COBL: variants seen among roughly 807,000 people sequenced by gnomAD.
The protein encoded by COBL is protein cordon-bleu.
In COBL, 51 loss-of-function variants were observed where a neutral mutation model predicts 98.8. The observed-to-expected ratio is 0.52, with a 90% confidence interval of 0.41 to 0.65. The LOEUF is 0.65. COBL is among the 30% of genes least tolerant of loss of function. The pLI is 0.00. For missense variants in COBL, 1,617 were observed against 1,617.5 expected (o/e 1.00, Z 0.01); for synonymous variants, 634 against 651.7 (o/e 0.97, Z 0.41).
At chr7:51,228,259 T>C (rs1348675415) in intron 1 of COBL, among the ~76,000 whole-genome samples, 1 of 152,146 alleles carries the variant, frequency 6.6e-6, no homozygotes, top group African/African-American at 2.4e-5. Flanking sequence ...TTTCAGCTTT[T>C]ATCAGCTGAG....
chr7:51,172,653 T>G, intron 5 of COBL: 1 of 483,950 alleles, frequency 2.1e-6, no homozygotes, highest in Non-Finnish European at 3.2e-6. Context: ...CTTCACTTAA[T>G]AGGTGTAATC....
At chr7:51,210,719 T>C (rs1792331800) in intron 2 of COBL, among the ~76,000 whole-genome samples, 1 of 152,206 alleles carries the variant, frequency 6.6e-6, no homozygotes, top group Admixed American at 6.5e-5. Flanking sequence ...TCATGTAAAA[T>C]TCAGCTCGAT....
chr7:51,084,329 T>C (rs899001345), intron 7 of COBL, among the ~76,000 whole-genome samples: 48 of 152,116 alleles, frequency 3.2e-4, no homozygotes, highest in African/African-American at 1.0e-3. Flanking sequence ...AAGGGCATGG[T>C]GAGTGGCCTG....
chr7:51,191,171 T>C, intron 3 of COBL, 93 bp from the exon 4 acceptor site: 1 of 1,095,032 alleles, frequency 9.1e-7, no homozygotes, highest in Non-Finnish European at 1.3e-6. Flanking sequence ...TGTGGCAGGA[T>C]TGTGTGTAGC....
At chr7:51,259,932 C>G in intron 1 of COBL, 1 of 757,480 alleles carries the variant, frequency 1.3e-6, no homozygotes, top group South Asian at 1.4e-5. Flanking sequence ...CTGGCAATTC[C>G]AAGGCATGAG....
chr7:51,250,110 AAAG>A (rs978239160), intron 1 of COBL, among the ~76,000 whole-genome samples: 2 of 152,056 alleles, frequency 1.3e-5, no homozygotes, highest in African/African-American at 2.4e-5. Context: ...TCAAAAAAAA[AAAG>A]AAGAAAGAAA....
intron 2 of COBL, among the ~76,000 whole-genome samples, chr7:51,210,023 T>G (rs1792261811): frequency 1.3e-5 from 2 of 152,146 alleles, no homozygotes; most frequent in Non-Finnish European, 2.9e-5. Flanking sequence ...CAGAAGCCAG[T>G]ATGCAGTGTG....
chr7:51,223,686 A>G (rs978122540), intron 1 of COBL, among the ~76,000 whole-genome samples: 1 of 152,160 alleles, frequency 6.6e-6, no homozygotes, highest in Non-Finnish European at 1.5e-5. Context: ...GCTCAAAACT[A>G]TGTCGTCAGA....
chr7:51,082,577 T>G (rs1793766061), intron 7 of COBL, among the ~76,000 whole-genome samples: 1 of 152,226 alleles, frequency 6.6e-6, no homozygotes, highest in Non-Finnish European at 1.5e-5. Flanking sequence ...CTCAGTTTCC[T>G]TTTCCATAGA....
rs558391987 is a variant in COBL at position 51,222,725 on chromosome 7, A to T, written c.42-2781T>A. ...CCAAAGGTGTTTTCAGGGGAAAAAA[A>T]AAAAAGTGTTTTTCATTTTTAGGAA... On this transcript the variant is annotated intron_variant, in intron 1 of 12. Transcript: ENST00000265136. Among the ~76,000 whole-genome samples the T allele has an allele frequency of 2.6e-5, 4 of 152,274 alleles. No individual in the cohort carries two copies. In the East Asian group the frequency reaches 7.7e-4, roughly 29 times the overall value.
intron 1 of COBL, among the ~76,000 whole-genome samples, chr7:51,228,349 T>C (rs1794405685): frequency 6.6e-6 from 1 of 151,148 alleles, no homozygotes; most frequent in South Asian, 2.1e-4. Flanking sequence ...CAATGACTGG[T>C]GGTAATTACA....
chr7:51,196,234 C>A (rs756123260), intron 2 of COBL, among the ~76,000 whole-genome samples: 12 of 152,090 alleles, frequency 7.9e-5, no homozygotes, highest in Non-Finnish European at 1.6e-4. Context: ...TCAAAAGCCT[C>A]TTCTGCATCT....
chr7:51,065,959 C>T (rs1231550453), intron 7 of COBL, among the ~76,000 whole-genome samples: 1 of 152,158 alleles, frequency 6.6e-6, no homozygotes, highest in Non-Finnish European at 1.5e-5. Flanking sequence ...AAAGAGGCCT[C>T]AGGAGAAACC....
At chr7:51,074,191 A>ATTTTTTTTTTTTTTTTTTTTTTT (rs369421469) in intron 7 of COBL, among the ~76,000 whole-genome samples, 1 of 100,496 alleles carries the variant, frequency 1.0e-5, no homozygotes, top group Non-Finnish European at 1.8e-5. Flanking sequence ...CAAGGTAATG[A>ATTTTTTTTTTTTTTTTTTTTTTT]TTTTTTTTTT....
At chr7:51,150,070 G>A (rs574876664) in intron 5 of COBL, among the ~76,000 whole-genome samples, 6 of 152,280 alleles carry the variant, frequency 3.9e-5, no homozygotes, top group African/African-American at 1.4e-4. Flanking sequence ...CAGAAAACAA[G>A]GTAAGTCTCC....
intron 5 of COBL, among the ~76,000 whole-genome samples, chr7:51,148,058 A>G (rs988640625): frequency 6.6e-6 from 1 of 152,164 alleles, no homozygotes; most frequent in Non-Finnish European, 1.5e-5. Context: ...CACCACACCC[A>G]GCCACATTGA....
At chr7:51,197,732 C>T (rs558346851) in intron 2 of COBL, among the ~76,000 whole-genome samples, 1 of 152,280 alleles carries the variant, frequency 6.6e-6, no homozygotes, top group East Asian at 1.9e-4. Context: ...ACAATTATGT[C>T]TTCTTGCTGA....
intron 6 of COBL, among the ~76,000 whole-genome samples, chr7:51,105,022 G>A (rs1030162829): frequency 6.6e-6 from 1 of 152,038 alleles, no homozygotes; most frequent in Admixed American, 6.6e-5. Context: ...CAGGGAAGGG[G>A]ACGGGGTATA....
At chr7:51,284,113 G>A (rs11984328) in intron 1 of COBL, among the ~76,000 whole-genome samples, 1,422 of 122,794 alleles carry the variant, frequency 0.012, 18 homozygotes, top group African/African-American at 0.041. Context: ...GTGAAACCTC[G>A]TCTCTACCAA....
Sources: allele counts gnomAD v4.1 joint callset (sites outside exome capture counted in the v4.1 genomes callset), GRCh38; gene constraint gnomAD v4.1.1; transcripts MANE v1.5; gene names NCBI Gene and HGNC (gene_info 2026-07-23, HGNC 2026-07-21).